Variants in OR3A2 observed in about 807,000 individuals in gnomAD.
OR3A2 encodes olfactory receptor family 3 subfamily A member 2, also known as olfactory receptor 3A2.
For synonymous variants in OR3A2, 126 were observed against 159.3 expected (o/e 0.79, Z 1.57); for missense variants, 318 against 392.8 (o/e 0.81, Z 1.61).
At chr17:3,337,043 C>T (rs1019142243) in intron 2 of OR3A2, among the ~76,000 whole-genome samples, 1 of 152,170 alleles carries the variant, frequency 6.6e-6, no homozygotes, top group Non-Finnish European at 1.5e-5. Flanking sequence ...TAATTTCATA[C>T]CTCTTTCTGC....
At chr17:3,305,248 C>T (rs767558046) in intron 3 of OR3A2, among the ~76,000 whole-genome samples, 86 of 149,792 alleles carry the variant, frequency 5.7e-4, no homozygotes, top group Non-Finnish European at 8.1e-4. Flanking sequence ...GGTATGTCTT[C>T]GTTTTTTTCC....
Position 3,283,136 on chromosome 17 carries a change from C to G in OR3A2, c.-7+1222G>C, listed in dbSNP as rs1271190361. On this transcript the variant is annotated intron_variant, in intron 1 of 1. Coordinates refer to ENST00000642052, the Ensembl canonical transcript of OR3A2. ...AGTCACTTCTTTATAGAGTCTGTCT[C>G]TGTAAGTGACTTGAGGACAGAATAT... Among the ~76,000 whole-genome samples the G allele has an allele frequency of 5.3e-5, 8 of 152,194 alleles. No homozygotes were observed. In the East Asian group the frequency reaches 1.5e-3, roughly 29 times the overall value.
intron 3 of OR3A2, among the ~76,000 whole-genome samples, chr17:3,334,226 A>G (rs2049261311): frequency 6.6e-6 from 1 of 152,150 alleles, no homozygotes; most frequent in Non-Finnish European, 1.5e-5. Context: ...AAGCAGAAAT[A>G]CCATCTTTAC....
chr17:3,342,678 G>A (rs1349052317), intron 2 of OR3A2, among the ~76,000 whole-genome samples: 3 of 152,188 alleles, frequency 2.0e-5, no homozygotes, highest in Admixed American at 2.0e-4. Flanking sequence ...CCACCTGGCT[G>A]TATGAGGTGT....
At chr17:3,292,599 A>G in intron 3 of OR3A2, 1 of 1,563,542 alleles carries the variant, frequency 6.4e-7, no homozygotes, top group African/African-American at 1.4e-5. Flanking sequence ...CTGCAAAGAA[A>G]CATCCAGGGA....
chr17:3,314,224 T>C (rs190395954), intron 3 of OR3A2, among the ~76,000 whole-genome samples: 1 of 152,254 alleles, frequency 6.6e-6, no homozygotes, highest in Admixed American at 6.5e-5. Flanking sequence ...ACACTATAGG[T>C]TGGGAAATCC....
chr17:3,297,298 A>C (rs2048926889), intron 3 of OR3A2, among the ~76,000 whole-genome samples: 1 of 152,236 alleles, frequency 6.6e-6, no homozygotes. Flanking sequence ...CTATAGGAGC[A>C]GAACAATTCC....
chr17:3,301,696 T>C (rs146220271), intron 3 of OR3A2, among the ~76,000 whole-genome samples: 1 of 152,312 alleles, frequency 6.6e-6, no homozygotes, highest in East Asian at 1.9e-4. Flanking sequence ...CTTGTTTAAT[T>C]AGGTCCCATT....
At chr17:3,330,004 C>A (rs8065338) in intron 3 of OR3A2, among the ~76,000 whole-genome samples, 58,741 of 143,976 alleles carry the variant, frequency 0.41, 12,520 homozygotes, top group Admixed American at 0.53. Context: ...TGTTCAGTTT[C>A]CATGTAGTTG....
chr17:3,335,046 AACTTT>A (rs1368815469), intron 3 of OR3A2, among the ~76,000 whole-genome samples: 1 of 152,166 alleles, frequency 6.6e-6, no homozygotes, highest in African/African-American at 2.4e-5. Flanking sequence ...GCAAAAGTAT[AACTTT>A]ACTTTGCCTT....
chr17:3,374,014 C>A (rs555473471), intron 2 of OR3A2, among the ~76,000 whole-genome samples: 6 of 152,160 alleles, frequency 3.9e-5, no homozygotes, highest in African/African-American at 7.2e-5. Flanking sequence ...ATTCTCTTAA[C>A]ATTTGTCAGT....
At chr17:3,384,720 C>T (rs2049764396) in intron 1 of OR3A2, among the ~76,000 whole-genome samples, 2 of 152,094 alleles carry the variant, frequency 1.3e-5, no homozygotes, top group Admixed American at 1.3e-4. Context: ...AGCAAATTGT[C>T]CAAATCCAGA....
chr17:3,297,147 G>T (rs1257150262), intron 3 of OR3A2, among the ~76,000 whole-genome samples: 1 of 152,160 alleles, frequency 6.6e-6, no homozygotes, highest in African/African-American at 2.4e-5. Flanking sequence ...TCCCCATAAG[G>T]TGGTGGCTGT....
At chr17:3,286,170 G>T (rs926216835), upstream of OR3A2, among the ~76,000 whole-genome samples, 1 of 152,116 alleles carries the variant, frequency 6.6e-6, no homozygotes, top group Non-Finnish European at 1.5e-5. Flanking sequence ...GTGGTGTTTG[G>T]TTTTCTGTTC....
At chr17:3,281,908 G>A (rs1425323186) in intron 1 of OR3A2, among the ~76,000 whole-genome samples, 2 of 152,096 alleles carry the variant, frequency 1.3e-5, no homozygotes, top group African/African-American at 4.8e-5. Flanking sequence ...TGGTTTAATT[G>A]GTGGTACCTG....
In OR3A2 at chr17:3,386,250, GGGCATCACCGAGAGCTACCTCCT is replaced by G. The variant is rs2049775787; in HGVS notation, c.-423_-401del. ...CCGAGATGTACTTCTTCGTGGCTCT[GGGCATCACCGAGAGCTACCTCCT>G]GGCGGCCATGTCCTACGACCGCCCG... On this transcript the variant is annotated 5_prime_UTR_variant, in exon 1 of 5. An upstream start codon of the reference 5' UTR is lost. Transcript: ENST00000573491. The G allele has an allele frequency of 1.3e-5, 5 of 398,772 alleles. No homozygotes were observed. The East Asian group carries it at 1.8e-4, about 14-fold the overall frequency. The allele number at this position is 398,772 out of a possible 1,614,324, so 24.7% of individuals were successfully genotyped here. A position where few individuals can be genotyped will look rare whatever the true frequency, so the allele number is the denominator to read the frequency against.
At chr17:3,334,091 A>G (rs7211482) in intron 3 of OR3A2, among the ~76,000 whole-genome samples, 1 of 152,210 alleles carries the variant, frequency 6.6e-6, no homozygotes, top group African/African-American at 2.4e-5. Context: ...CAATTACTAA[A>G]AAGTCAAGAA....
intron 2 of OR3A2, among the ~76,000 whole-genome samples, chr17:3,357,845 C>T (rs1223465846): frequency 6.8e-6 from 1 of 148,034 alleles, no homozygotes; most frequent in Non-Finnish European, 1.5e-5. Context: ...TGAGCTGCCA[C>T]TGCTGGGAAA....
At chr17:3,324,010 T>C (rs1415007362) in intron 3 of OR3A2, among the ~76,000 whole-genome samples, 2 of 152,138 alleles carry the variant, frequency 1.3e-5, no homozygotes. Context: ...AGACATAGAT[T>C]TGGTCTTTTC....
Sources: gnomAD v4.1 joint callset for allele counts (sites outside exome capture counted in the v4.1 genomes callset) on GRCh38, gnomAD v4.1.1 for gene constraint, MANE v1.5 for transcripts, NCBI Gene and HGNC (gene_info 2026-07-23, HGNC 2026-07-21) for gene names.